The following THSD4 variants were observed in gnomAD, a reference collection of about 807,000 sequenced individuals.
The protein encoded by THSD4 is thrombospondin type-1 domain-containing protein 4.
In THSD4, 69 loss-of-function variants were observed where a neutral mutation model predicts 119.0. The observed-to-expected ratio is 0.58, with a 90% CI of 0.48 to 0.71. The LOEUF (loss-of-function observed/expected upper bound fraction) is 0.71. THSD4 is among the 30% of genes least tolerant of loss of function. The pLI, the probability that THSD4 is intolerant of heterozygous loss-of-function variation, is 0.00. For synonymous variants in THSD4, 524 were observed against 540.4 expected, an observed-to-expected ratio of 0.97 and a Z score of 0.42; for missense variants, 1,393 against 1,391.1, an observed-to-expected ratio of 1.00 and a Z score of -0.02.
At chr15:71,676,162 G>A (rs1203136243) in intron 8 of THSD4, among the ~76,000 whole-genome samples, 2 of 152,136 alleles carry the variant, frequency 1.3e-5, no homozygotes, top group Non-Finnish European at 2.9e-5. Context: ...AACATCAAGT[G>A]TGTGTTTTTT....
chr15:71,459,160 CTTTTTTT>C (rs372209662), intron 7 of THSD4, among the ~76,000 whole-genome samples: 15 of 128,882 alleles, frequency 1.2e-4, no homozygotes, highest in South Asian at 2.7e-4. Context: ...TTCTTTTTTT[CTTTTTTT>C]TTTTTTTTTT....
At chr15:71,450,844 G>C (rs1205211957) in intron 7 of THSD4, among the ~76,000 whole-genome samples, 1 of 152,172 alleles carries the variant, frequency 6.6e-6, no homozygotes, top group Non-Finnish European at 1.5e-5. Flanking sequence ...AGGGTCAGAT[G>C]ACTGAAGCCT....
chr15:71,151,824 G>T (rs553449339), intron 2 of THSD4, among the ~76,000 whole-genome samples: 1 of 152,336 alleles, frequency 6.6e-6, no homozygotes, highest in South Asian at 2.1e-4. Context: ...TCCAAAGGAA[G>T]TTGTGTGTGA....
rs1447985407 is a variant in THSD4, at chr15:71,213,231, T to C, written c.100-1804T>C. On this transcript the variant is annotated intron_variant, in intron 3 of 17. Transcript: ENST00000261862. Reference sequence around the variant, plus strand: ...GTGGCTACACCACCCCAATCTCTGCTTCAGGGGTCACATTGCCTTTGTCTC... The same window carrying C: ...GTGGCTACACCACCCCAATCTCTGCCTCAGGGGTCACATTGCCTTTGTCTC... Among the ~76,000 whole-genome samples, 3 of 152,302 alleles carry C rather than the reference T, an allele frequency of 2.0e-5. No individual in the cohort carries two copies. The East Asian group carries it at 5.8e-4, about 29-fold the overall frequency.
At chr15:71,244,059 A>G (rs1221172448) in intron 5 of THSD4, among the ~76,000 whole-genome samples, 1 of 150,296 alleles carries the variant, frequency 6.7e-6, no homozygotes, top group Non-Finnish European at 1.5e-5. Flanking sequence ...TGCTGGGATT[A>G]CAAGTGTGAG....
chr15:71,575,790 A>G (rs1463117837), intron 7 of THSD4, among the ~76,000 whole-genome samples: 9 of 152,192 alleles, frequency 5.9e-5, no homozygotes, highest in Admixed American at 5.9e-4. Context: ...AAAAAAGTCT[A>G]CTTTATATGG....
chr15:71,234,255 C>A (rs2044084051), intron 4 of THSD4, among the ~76,000 whole-genome samples: 1 of 152,196 alleles, frequency 6.6e-6, no homozygotes, highest in Non-Finnish European at 1.5e-5. Context: ...TTCTACTGTT[C>A]CCCAGCCCAG....
intron 7 of THSD4, among the ~76,000 whole-genome samples, chr15:71,480,805 A>G (rs2047719172): frequency 6.6e-6 from 1 of 152,232 alleles, no homozygotes; most frequent in African/African-American, 2.4e-5. Flanking sequence ...CAGGGAGTGC[A>G]CTGGACCTGT....
intron 7 of THSD4, among the ~76,000 whole-genome samples, chr15:71,600,456 A>T (rs967394374): frequency 6.6e-6 from 1 of 152,246 alleles, no homozygotes; most frequent in African/African-American, 2.4e-5. Flanking sequence ...TGTCTGAATC[A>T]TCATAAGCCC....
rs537495684 is a variant in THSD4 at position 71,628,945 on chromosome 15, T to C, written c.1153-31585T>C. Among the ~76,000 whole-genome samples the C allele has an allele frequency of 1.1e-3, 163 of 152,288 alleles. 5 individuals are homozygous for C. The South Asian group carries it at 0.031, about 29-fold the overall frequency. ...CTAACTAATATTTATTGAGTGCCTATGGTGAGCTGGAGACTGTTCTAGACA... is the reference window on the plus strand; with the variant it reads ...CTAACTAATATTTATTGAGTGCCTACGGTGAGCTGGAGACTGTTCTAGACA... On this transcript the variant is annotated intron_variant, in intron 7 of 17. Coordinates refer to ENST00000261862, the MANE Select transcript of THSD4 (RefSeq NM_024817.3).
At chr15:71,652,786 G>A (rs2051117658) in intron 7 of THSD4, among the ~76,000 whole-genome samples, 1 of 152,148 alleles carries the variant, frequency 6.6e-6, no homozygotes, top group Admixed American at 6.5e-5. Context: ...ACAGCCATAA[G>A]CTTGATTAAA....
At position 71,734,392 on chromosome 15, in the gene THSD4, C is replaced by A. The variant is rs113220179; in HGVS notation, c.1630+3175C>A. On this transcript the variant is annotated intron_variant, in intron 10 of 17. Coordinates refer to ENST00000261862, the MANE Select transcript of THSD4 (RefSeq NM_024817.3). The stretch of plus-strand genomic sequence containing the variant: ...GCATATTACTAAGTGAAAGAGGCCA[C>A]TCTGAAAAGACTACCTATTGTTTGA... Among the ~76,000 whole-genome samples, 249 of 152,274 alleles carry A rather than the reference C, an allele frequency of 1.6e-3. 1 individual carries two copies. The highest frequency in any genetic ancestry group is 5.3e-3 in the African/African-American group (222 of 41,530).
intron 3 of THSD4, among the ~76,000 whole-genome samples, chr15:71,158,100 C>A (rs2040798210): frequency 6.6e-6 from 1 of 151,296 alleles, no homozygotes; most frequent in Non-Finnish European, 1.5e-5. Context: ...CAGTCCTACC[C>A]ACAGTACGTA....
chr15:71,704,336 C>T (rs896281278), intron 8 of THSD4, among the ~76,000 whole-genome samples: 4 of 152,180 alleles, frequency 2.6e-5, no homozygotes, highest in African/African-American at 4.8e-5. Flanking sequence ...TCCCACATGT[C>T]GTGGGAGGGT....
At chr15:71,469,953 G>A (rs2047550648) in intron 7 of THSD4, among the ~76,000 whole-genome samples, 1 of 152,148 alleles carries the variant, frequency 6.6e-6, no homozygotes, top group Non-Finnish European at 1.5e-5. Flanking sequence ...TGTCAAATGA[G>A]CACAGAGGAG....
At chr15:71,180,619 C>T (rs1471200014) in intron 3 of THSD4, among the ~76,000 whole-genome samples, 1 of 152,130 alleles carries the variant, frequency 6.6e-6, no homozygotes, top group Non-Finnish European at 1.5e-5. Context: ...ATATAAGCAA[C>T]AACCGAAATA....
In THSD4 at chr15:71,289,617, A is replaced by G. The variant is rs529477452; in HGVS notation, c.1015+32902A>G. Among the ~76,000 whole-genome samples, 4 of 152,278 alleles carry G rather than the reference A, an allele frequency of 2.6e-5. No homozygotes were observed. The East Asian group carries it at 7.7e-4, about 29-fold the overall frequency. Reference sequence around the variant, plus strand: ...ATGAGTATGTGAAGACATTAAGTGGACCAATTTGTAATTCGATTATTATAA... The same window carrying G: ...ATGAGTATGTGAAGACATTAAGTGGGCCAATTTGTAATTCGATTATTATAA... On this transcript the variant is annotated intron_variant, in intron 6 of 17. Transcript: ENST00000261862.
At chr15:71,157,398 T>A (rs1209926640) in intron 3 of THSD4, among the ~76,000 whole-genome samples, 1 of 152,212 alleles carries the variant, frequency 6.6e-6, no homozygotes, top group African/African-American at 2.4e-5. Context: ...TATATAATGA[T>A]CAAATCAGGG....
intron 8 of THSD4, among the ~76,000 whole-genome samples, chr15:71,688,716 TG>T (rs2051975466): frequency 6.7e-6 from 1 of 149,970 alleles, no homozygotes; most frequent in African/African-American, 2.5e-5. Context: ...TCTGTGTGTG[TG>T]TGTGTGTGTG....
Sources: gnomAD v4.1 joint callset for allele counts (sites outside exome capture counted in the v4.1 genomes callset) on GRCh38, gnomAD v4.1.1 for gene constraint, MANE v1.5 for transcripts, NCBI Gene and HGNC (gene_info 2026-07-23, HGNC 2026-07-21) for gene names.